Variants in CPE observed in about 807,000 individuals in gnomAD.
CPE encodes the protein carbocypeptidase E.
A neutral mutation model predicts 53.5 loss-of-function variants in CPE; 17 were observed. The ratio of observed to expected loss-of-function variants is 0.32; its 90% CI spans 0.22 to 0.48. The LOEUF is 0.48. Among genes scored for constraint, CPE ranks in the 20% least tolerant of loss-of-function variants. The probability of loss-of-function intolerance (pLI) is 0.99; values close to 1 mark genes in which losing one functional copy is unlikely to be tolerated. For missense variants in CPE, 524 were observed against 614.7 expected (o/e 0.85, Z 1.56); for synonymous variants, 226 against 228.8 (o/e 0.99, Z 0.11).
At chr4:165,405,896 A>G in intron 1 of CPE, 1 of 734,404 alleles carries the variant, frequency 1.4e-6, no homozygotes, top group Non-Finnish European at 2.6e-6. Flanking sequence ...GCTATTTTAT[A>G]TTGGCATAAA....
chr4:165,384,474 A>G (rs1196543424), intron 1 of CPE, among the ~76,000 whole-genome samples: 1 of 152,128 alleles, frequency 6.6e-6, no homozygotes, highest in African/African-American at 2.4e-5. Context: ...AAATAAAATT[A>G]GCTGGGCATG....
chr4:165,437,845 C>T (rs1731536205), intron 1 of CPE, among the ~76,000 whole-genome samples: 1 of 151,942 alleles, frequency 6.6e-6, no homozygotes, highest in Non-Finnish European at 1.5e-5. Context: ...GGGGAGGCAT[C>T]TAGGCAGAAG....
At chr4:165,488,343 T>C (rs562463882) in intron 6 of CPE, among the ~76,000 whole-genome samples, 2 of 152,322 alleles carry the variant, frequency 1.3e-5, no homozygotes, top group South Asian at 4.1e-4. Flanking sequence ...GCCTGGATCT[T>C]TACCAGAGAG....
At chr4:165,413,663 G>A (rs1369972903) in intron 1 of CPE, among the ~76,000 whole-genome samples, 1 of 152,180 alleles carries the variant, frequency 6.6e-6, no homozygotes, top group African/African-American at 2.4e-5. Flanking sequence ...AGAAATTGAT[G>A]TGTAAATAGA....
In CPE at chr4:165,479,766, C is replaced by T. The variant is rs575385504; in HGVS notation, c.673-2476C>T. 2.9e-4 allele frequency among the ~76,000 whole-genome samples: 44 copies of T among 151,938 alleles called. 1 individual carries two copies. Among genetic ancestry groups the T allele is most frequent in the Middle Eastern group, 3.4e-3 (1 of 292 alleles). The stretch of plus-strand genomic sequence containing the variant: ...CAGCACTTTGGGAGGCCGAGGCGGG[C>T]GGATCACGAGGTCAGGAGATCGAGA... On this transcript the variant is annotated intron_variant, in intron 3 of 8. Transcript: ENST00000402744.
intron 1 of CPE, among the ~76,000 whole-genome samples, chr4:165,454,091 T>C (rs902909949): frequency 3.9e-5 from 6 of 152,256 alleles, no homozygotes; most frequent in African/African-American, 1.4e-4. Context: ...TCCTGGCCAA[T>C]TTGAAGCTAC....
intron 1 of CPE, among the ~76,000 whole-genome samples, chr4:165,462,495 T>C (rs1732025590): frequency 6.6e-6 from 1 of 152,134 alleles, no homozygotes; most frequent in Non-Finnish European, 1.5e-5. Context: ...AAAAAACTTG[T>C]GAAGCCAGCT....
intron 1 of CPE, among the ~76,000 whole-genome samples, chr4:165,432,364 C>T (rs977048100): frequency 2.0e-5 from 3 of 152,262 alleles, no homozygotes; most frequent in East Asian, 3.9e-4. Flanking sequence ...GGCACAATCT[C>T]AGCTCACCGT....
chr4:165,405,285 C>T (rs1221733010), intron 1 of CPE: 20 of 1,075,146 alleles, frequency 1.9e-5, no homozygotes, highest in African/African-American at 3.1e-5. Context: ...TGCTTAACAT[C>T]CTTCTGTGGA....
rs1385257853 is a variant in CPE at position 165,495,687 on chromosome 4, CATA to C, written c.1332+17_1332+19del. On this transcript the variant is annotated intron_variant, in intron 8 of 8. Coordinates refer to ENST00000402744, the MANE Select transcript of CPE (RefSeq NM_001873.4). ...CAGCCCTGCTGCTGGGGTAAGTAAT[CATA>C]ATAATAGCCAAACGCTATAATAATA... 11 of 1,533,550 alleles carry C rather than the reference CATA, an allele frequency of 7.2e-6. No homozygotes were observed. The highest frequency in any genetic ancestry group is 9.9e-6 in the Non-Finnish European group (11 of 1,112,552). 95.0% of individuals were successfully genotyped at this position (1,533,550 alleles called of 1,614,324 possible).
At chr4:165,496,407 G>T (rs1413259266) in intron 8 of CPE, among the ~76,000 whole-genome samples, 1 of 152,092 alleles carries the variant, frequency 6.6e-6, no homozygotes, top group Non-Finnish European at 1.5e-5. Flanking sequence ...GTCTACATTG[G>T]GCTGTATATG....
intron 1 of CPE, among the ~76,000 whole-genome samples, chr4:165,462,782 C>T (rs961244566): frequency 6.6e-6 from 1 of 152,056 alleles, no homozygotes; most frequent in Non-Finnish European, 1.5e-5. Flanking sequence ...TAAATAGCCC[C>T]GATCCTGCTC....
At chr4:165,387,445 T>A (rs1013418444) in intron 1 of CPE, among the ~76,000 whole-genome samples, 4 of 152,214 alleles carry the variant, frequency 2.6e-5, no homozygotes, top group Non-Finnish European at 5.9e-5. Context: ...CAAAGGCTCA[T>A]TATTTTAAAA....
chr4:165,406,229 A>G (rs1730951797), intron 1 of CPE: 2 of 661,012 alleles, frequency 3.0e-6, no homozygotes, highest in Non-Finnish European at 5.8e-6. Context: ...CATAGTTAAT[A>G]TGGGTTCTGG....
Position 165,458,285 on chromosome 4 carries a change from A to G in CPE, c.308-6105A>G, listed in dbSNP as rs529349815. ...GCTTTTGTGCACATTTCATCATGATATCTTTGAAAAATGGGGTTTTACCTG... is the reference window on the plus strand; with the variant it reads ...GCTTTTGTGCACATTTCATCATGATGTCTTTGAAAAATGGGGTTTTACCTG... On this transcript the variant is annotated intron_variant, in intron 1 of 8. Coordinates refer to ENST00000402744, the MANE Select transcript of CPE (RefSeq NM_001873.4). Among the ~76,000 whole-genome samples the G allele has an allele frequency of 2.4e-4, 37 of 152,328 alleles. No individual in the cohort carries two copies. In the South Asian group the frequency reaches 7.2e-3, roughly 30 times the overall value.
At chr4:165,436,903 A>T (rs371752594) in intron 1 of CPE, among the ~76,000 whole-genome samples, 12 of 152,354 alleles carry the variant, frequency 7.9e-5, no homozygotes, top group Admixed American at 3.3e-4. Context: ...GGTTTACCGA[A>T]AACCACTGAA....
intron 1 of CPE, among the ~76,000 whole-genome samples, chr4:165,424,291 T>G (rs1399214479): frequency 6.9e-6 from 1 of 145,418 alleles, no homozygotes; most frequent in Non-Finnish European, 1.5e-5. Context: ...ACATACTCTG[T>G]TTTTTTTTTT....
At chr4:165,380,251 T>G (rs745369337) in intron 1 of CPE, among the ~76,000 whole-genome samples, 1 of 152,200 alleles carries the variant, frequency 6.6e-6, no homozygotes, top group Non-Finnish European at 1.5e-5. Context: ...ATTTTGAAAC[T>G]GCACAAGGCC....
chr4:165,472,913 C>T (rs528951866), intron 3 of CPE, among the ~76,000 whole-genome samples: 2 of 152,078 alleles, frequency 1.3e-5, no homozygotes, highest in Non-Finnish European at 2.9e-5. Context: ...TGGTGAAAAA[C>T]CTGCTAAGTA....
Sources: gnomAD v4.1 joint callset for allele counts (sites outside exome capture counted in the v4.1 genomes callset) on GRCh38, gnomAD v4.1.1 for gene constraint, MANE v1.5 for transcripts, NCBI Gene and HGNC (gene_info 2026-07-23, HGNC 2026-07-21) for gene names.